Variants in TENM2 observed in about 807,000 individuals in gnomAD.
TENM2 encodes the protein teneurin-2.
A neutral mutation model predicts 245.2 loss-of-function variants in TENM2; 52 were observed. The ratio of observed to expected loss-of-function variants is 0.21; its 90% CI spans 0.17 to 0.27. TENM2 has a LOEUF of 0.27. Ranked by LOEUF, TENM2 falls within the 10% of genes least tolerant of loss-of-function variation. The pLI is 1.00. For missense variants in TENM2, 3,046 were observed against 3,666.8 expected (o/e 0.83, Z 4.37); for synonymous variants, 1,363 against 1,438.9 (o/e 0.95, Z 1.19).
the TENM2 span, among the ~76,000 whole-genome samples, chr5:167,052,586 T>C: frequency 6.6e-6 from 1 of 152,128 alleles, no homozygotes; most frequent in Admixed American, 6.5e-5. Flanking sequence ...ACTTAAATTG[T>C]TTTTCATTTC....
At chr5:167,391,172 G>C (rs1361478543) in intron 2 of TENM2, among the ~76,000 whole-genome samples, 1 of 152,028 alleles carries the variant, frequency 6.6e-6, no homozygotes, top group Non-Finnish European at 1.5e-5. Context: ...CCACTCCTTT[G>C]AAATTTTTTT....
intron 2 of TENM2, among the ~76,000 whole-genome samples, chr5:167,385,856 A>ATGTGTGTGTG (rs60407919): frequency 3.1e-4 from 43 of 139,148 alleles, no homozygotes; most frequent in East Asian, 1.9e-3. Flanking sequence ...TTATATATAT[A>ATGTGTGTGTG]TGTGTGTGTG....
intron 20 of TENM2, 56 bp downstream of exon 22, chr5:168,211,810 G>A: frequency 8.6e-7 from 1 of 1,164,448 alleles, no homozygotes; most frequent in Non-Finnish European, 1.2e-6. Flanking sequence ...GCTTCCTTGT[G>A]TTTGCTTTTT....
At position 167,836,006 on chromosome 5, in the gene TENM2, C is replaced by T. The variant is rs551518439; in HGVS notation, c.503-39980C>T. Among the ~76,000 whole-genome samples the T allele has an allele frequency of 2.0e-5, 3 of 152,252 alleles. No individual in the cohort carries two copies. In the South Asian group the frequency reaches 6.2e-4, roughly 32 times the overall value. On this transcript the variant is annotated intron_variant, in intron 2 of 28. Coordinates refer to ENST00000518659, the Ensembl canonical transcript of TENM2. ...ACATTGTTTGATTTTTGTTTTGAAC[C>T]AGCCTGCACTACATTTTAAAATTAA... is the stretch of plus-strand genomic sequence containing the variant.
intron 5 of TENM2, among the ~76,000 whole-genome samples, chr5:168,034,140 CAT>C (rs1306680068): frequency 3.2e-5 from 3 of 93,140 alleles, no homozygotes; most frequent in African/African-American, 7.9e-5. Flanking sequence ...TATATGTATA[CAT>C]ATATATGTGT....
intron 2 of TENM2, among the ~76,000 whole-genome samples, chr5:167,585,853 C>T (rs1253737228): frequency 2.0e-5 from 3 of 152,106 alleles, no homozygotes; most frequent in African/African-American, 4.8e-5. Context: ...AGGCCAGGCA[C>T]GGTGGCTCAC....
chr5:167,826,713 G>C (rs1768000958), intron 2 of TENM2, among the ~76,000 whole-genome samples: 1 of 152,164 alleles, frequency 6.6e-6, no homozygotes, highest in South Asian at 2.1e-4. Context: ...AGACTCAGGA[G>C]CTCTGCTGCT....
At chr5:168,226,559 T>C (rs936043248) in intron 24 of TENM2, among the ~76,000 whole-genome samples, 6 of 152,238 alleles carry the variant, frequency 3.9e-5, no homozygotes, top group Admixed American at 1.3e-4. Context: ...ACTCTCTCCC[T>C]ACCTCTTACC....
intron 2 of TENM2, among the ~76,000 whole-genome samples, chr5:167,702,552 G>GTGTA (rs58351767): frequency 0.011 from 1,491 of 136,748 alleles, 16 homozygotes; most frequent in African/African-American, 0.033. Flanking sequence ...GTGTGTGTGT[G>GTGTA]TATATATATA....
At chr5:167,333,364 C>G (rs569253139) in intron 1 of TENM2, among the ~76,000 whole-genome samples, 1 of 152,264 alleles carries the variant, frequency 6.6e-6, no homozygotes, top group African/African-American at 2.4e-5. Context: ...GTTAGCACCT[C>G]TCGTAAGATT....
chr5:168,174,029 G>A (rs1759103273), intron 13 of TENM2, among the ~76,000 whole-genome samples: 1 of 152,178 alleles, frequency 6.6e-6, no homozygotes, highest in Non-Finnish European at 1.5e-5. Context: ...GGCTAGAATG[G>A]GGTTTGCGTG....
chr5:167,963,198 T>C (rs1781144056), intron 4 of TENM2, among the ~76,000 whole-genome samples: 1 of 152,148 alleles, frequency 6.6e-6, no homozygotes. Context: ...GAGGGATGAA[T>C]AGGAATTTAT....
chr5:167,635,676 G>T (rs911273518), intron 2 of TENM2, among the ~76,000 whole-genome samples: 14 of 96,690 alleles, frequency 1.4e-4, no homozygotes, highest in African/African-American at 1.9e-4. Flanking sequence ...ACGGAGTCTC[G>T]CTCTGTCGCC....
chr5:167,417,902 C>G (rs921678886), intron 2 of TENM2, among the ~76,000 whole-genome samples: 1 of 152,298 alleles, frequency 6.6e-6, no homozygotes, highest in South Asian at 2.1e-4. Context: ...CCTTTGTGTA[C>G]ATTTGGAGAC....
chr5:168,217,369 C>T (rs555323430), intron 22 of TENM2, among the ~76,000 whole-genome samples: 27 of 152,338 alleles, frequency 1.8e-4, no homozygotes, highest in African/African-American at 2.9e-4. Context: ...TCTACAATAT[C>T]ACCCAAAGTG....
At chr5:167,134,070 T>C in the TENM2 span, among the ~76,000 whole-genome samples, 1 of 152,158 alleles carries the variant, frequency 6.6e-6, no homozygotes, top group Non-Finnish European at 1.5e-5. Flanking sequence ...AGAATAGTCA[T>C]CAAAGATAAT....
intron 3 of TENM2, among the ~76,000 whole-genome samples, chr5:167,889,713 G>A (rs1286672489): frequency 1.3e-5 from 2 of 152,208 alleles, no homozygotes; most frequent in African/African-American, 2.4e-5. Flanking sequence ...TGGTCTTACA[G>A]CTCAGTTCAA....
intron 2 of TENM2, among the ~76,000 whole-genome samples, chr5:167,419,108 C>CAT (rs1291598483): frequency 7.6e-6 from 1 of 132,174 alleles, no homozygotes; most frequent in East Asian, 2.2e-4. Context: ...TACACACACA[C>CAT]ATGAAAACTT....
intron 6 of TENM2, among the ~76,000 whole-genome samples, chr5:168,048,617 A>G (rs1044148629): frequency 6.6e-6 from 1 of 152,174 alleles, no homozygotes; most frequent in Non-Finnish European, 1.5e-5. Flanking sequence ...TGCCCTGTGC[A>G]TCTTTGGGCA....
Sources: allele counts gnomAD v4.1 joint callset (sites outside exome capture counted in the v4.1 genomes callset), GRCh38; gene constraint gnomAD v4.1.1; transcripts MANE v1.5; gene names NCBI Gene and HGNC (gene_info 2026-07-23, HGNC 2026-07-21).